UGT1A10: variants seen among roughly 807,000 people sequenced by gnomAD.
The protein encoded by UGT1A10 is UDP-glucuronosyltransferase 1A10.
Under a neutral mutation model 45.8 loss-of-function variants are expected in UGT1A10, and 49 were observed. The observed-to-expected ratio is 1.07, with a 90% CI of 0.85 to 1.36. The LOEUF is 1.36. Among genes scored for constraint, UGT1A10 ranks in the 40% most tolerant of loss-of-function variants. UGT1A10 has a pLI of 0.00. For missense variants in UGT1A10, 745 were observed against 668.6 expected (o/e 1.11, Z -1.26); for synonymous variants, 284 against 249.7 (o/e 1.14, Z -1.29).
At chr2:233,744,122 C>T in intron 1 of UGT1A10, 1 of 368,854 alleles carries the variant, frequency 2.7e-6, no homozygotes, top group Non-Finnish European at 5.1e-6. Flanking sequence ...CTCTGTGAGG[C>T]TCTGTGAGGC....
chr2:233,712,743 GT>G lies in UGT1A10; in HGVS notation c.856-54289del, dbSNP rs202230565. 8.9e-3 allele frequency among the ~76,000 whole-genome samples: 1,329 copies of G among 149,812 alleles called. 32 individuals are homozygous for G. The highest frequency in any genetic ancestry group is 0.03 in the African/African-American group (1,238 of 40,826). The stretch of plus-strand genomic sequence containing the variant: ...GAGAAACAAGAGCTTGAACTTGGAT[GT>G]TCCCCAGAGCGAGCGCAAGGTCAGA... On this transcript the variant is annotated intron_variant, in intron 1 of 4. Transcript: ENST00000344644.
intron 1 of UGT1A10, among the ~76,000 whole-genome samples, chr2:233,746,060 G>A (rs1011902873): frequency 4.0e-5 from 6 of 151,770 alleles, no homozygotes; most frequent in Admixed American, 3.9e-4. Flanking sequence ...GGTCTAGAAC[G>A]AAAAGAGAAG....
intron 1 of UGT1A10, among the ~76,000 whole-genome samples, chr2:233,670,590 T>A (rs986661807): frequency 2.0e-5 from 3 of 152,240 alleles, no homozygotes; most frequent in African/African-American, 4.8e-5. Flanking sequence ...TGGTACTGAT[T>A]CAAAAGCACT....
At chr2:233,677,719 C>T (rs1032367387) in intron 1 of UGT1A10, among the ~76,000 whole-genome samples, 5 of 151,718 alleles carry the variant, frequency 3.3e-5, no homozygotes, top group Non-Finnish European at 7.4e-5. Context: ...ACACTTGTAC[C>T]CTCTTGGTGG....
chr2:233,760,446 G>A lies in UGT1A10; in HGVS notation c.856-6588G>A, dbSNP rs149071335. 6.1e-5 allele frequency: 98 copies of A among 1,614,210 alleles called. No homozygotes were observed. The African/African-American group carries it at 1.2e-3, about 20-fold the overall frequency. On this transcript the variant is annotated intron_variant, in intron 1 of 4. Coordinates refer to ENST00000344644, the MANE Select transcript of UGT1A10 (RefSeq NM_019075.4). ...GGGCCATCCAGCAGCTGCAGCAGAGGGGACATGAAATAGTTGTCCTAGCAC... is the reference window on the plus strand; with the variant it reads ...GGGCCATCCAGCAGCTGCAGCAGAGAGGACATGAAATAGTTGTCCTAGCAC...
chr2:233,731,513 C>A (rs972587345), intron 1 of UGT1A10, among the ~76,000 whole-genome samples: 1 of 152,148 alleles, frequency 6.6e-6, no homozygotes, highest in Non-Finnish European at 1.5e-5. Flanking sequence ...CAGTTCCCAC[C>A]TATGAGTGAG....
At chr2:233,755,334 C>A (rs1041656249) in intron 1 of UGT1A10, 2 of 456,396 alleles carry the variant, frequency 4.4e-6, no homozygotes, top group Non-Finnish European at 7.5e-6. Flanking sequence ...AGCACCCGCG[C>A]ACAGGTCAGA....
chr2:233,739,300 G>T (rs1406642019), intron 1 of UGT1A10, among the ~76,000 whole-genome samples: 2 of 152,210 alleles, frequency 1.3e-5, no homozygotes, highest in African/African-American at 2.4e-5. Flanking sequence ...CTGGGGCACT[G>T]CCTAGTGGAG....
Position 233,746,688 on chromosome 2 carries a change from A to G in UGT1A10, c.856-20346A>G, listed in dbSNP as rs575730371. 2.2e-4 allele frequency among the ~76,000 whole-genome samples: 34 copies of G among 151,888 alleles called. 2 individuals carry two copies. The highest frequency in any genetic ancestry group is 7.5e-4 in the African/African-American group (31 of 41,174). On this transcript the variant is annotated intron_variant, in intron 1 of 4. Transcript: ENST00000344644. The stretch of plus-strand genomic sequence containing the variant: ...CTAGCATAGTAGGTAGGGCTCACAC[A>G]TTCCATAAATATTTGGTGGATAAGG...
At chr2:233,719,670 G>A (rs758623915) in intron 1 of UGT1A10, 19 of 1,613,900 alleles carry the variant, frequency 1.2e-5, no homozygotes, top group East Asian at 6.7e-5. Flanking sequence ...CTGTGCCAAC[G>A]GGAAGCCACT....
At chr2:233,643,100 G>A (rs557777549) in intron 1 of UGT1A10, among the ~76,000 whole-genome samples, 3 of 152,344 alleles carry the variant, frequency 2.0e-5, no homozygotes, top group South Asian at 4.1e-4. Flanking sequence ...CAATCAGCAG[G>A]TGATACAGCC....
intron 1 of UGT1A10, among the ~76,000 whole-genome samples, chr2:233,715,522 A>G (rs1320173957): frequency 1.3e-5 from 2 of 152,172 alleles, no homozygotes; most frequent in Admixed American, 6.5e-5. Context: ...CTGTAATTTC[A>G]GCCCTTTGGG....
At chr2:233,766,610 TC>T (rs1292898350) in intron 1 of UGT1A10, among the ~76,000 whole-genome samples, 1 of 152,172 alleles carries the variant, frequency 6.6e-6, no homozygotes, top group Non-Finnish European at 1.5e-5. Context: ...CACACCCTCT[TC>T]TACCCAGCAC....
intron 1 of UGT1A10, among the ~76,000 whole-genome samples, chr2:233,727,224 G>A (rs1324084133): frequency 6.6e-6 from 1 of 152,098 alleles, no homozygotes; most frequent in Admixed American, 6.5e-5. Flanking sequence ...TTCCACATAT[G>A]CGGATGGCTC....
intron 1 of UGT1A10, among the ~76,000 whole-genome samples, chr2:233,674,801 C>T (rs906064883): frequency 2.0e-5 from 3 of 152,158 alleles, no homozygotes; most frequent in Non-Finnish European, 4.4e-5. Context: ...GAATTCAGAA[C>T]TCAAAGAAGG....
chr2:233,691,070 T>C (rs1421029185), intron 1 of UGT1A10: 33 of 986,176 alleles, frequency 3.3e-5, no homozygotes, highest in Non-Finnish European at 3.6e-5. Context: ...GTATAAAGAA[T>C]GTGAAGTTTG....
chr2:233,644,636 G>T lies in UGT1A10; in HGVS notation c.855+7259G>T, dbSNP rs148479871. Among the ~76,000 whole-genome samples, 4 of 152,194 alleles carry T rather than the reference G, an allele frequency of 2.6e-5. No homozygotes were observed. In the East Asian group the frequency reaches 7.7e-4, roughly 29 times the overall value. On this transcript the variant is annotated intron_variant, in intron 1 of 4. Coordinates refer to ENST00000344644, the MANE Select transcript of UGT1A10 (RefSeq NM_019075.4). ...GTGGGTGTCAGCTGAGTTTGGTCTGGGTTTCCTTTCTGCTCTAACAGAATA... is the reference window on the plus strand; with the variant it reads ...GTGGGTGTCAGCTGAGTTTGGTCTGTGTTTCCTTTCTGCTCTAACAGAATA...
In UGT1A10 at chr2:233,761,156, G is replaced by T. The variant is rs777807265; in HGVS notation, c.856-5878G>T. On this transcript the variant is annotated intron_variant, in intron 1 of 4. Transcript: ENST00000344644. ...CACCAAAATCCACTATCCCAGGTGT[G>T]TATTGGAGTGGGACTTTTACATGCG... The T allele has an allele frequency of 2.7e-5, 43 of 1,614,110 alleles. No homozygotes were observed. The highest frequency in any genetic ancestry group is 1.4e-5 in the Non-Finnish European group (17 of 1,180,052).
intron 1 of UGT1A10, chr2:233,681,951 G>T (rs2074546846): frequency 6.2e-7 from 1 of 1,613,734 alleles, no homozygotes; most frequent in Non-Finnish European, 8.5e-7. Context: ...GCTCGTGCAG[G>T]GTGGACTGGC....
Sources: gnomAD v4.1 joint callset for allele counts (sites outside exome capture counted in the v4.1 genomes callset) on GRCh38, gnomAD v4.1.1 for gene constraint, MANE v1.5 for transcripts, NCBI Gene and HGNC (gene_info 2026-07-23, HGNC 2026-07-21) for gene names.